The following CES5A variants were observed in gnomAD, a reference collection of about 807,000 sequenced individuals.
CES5A encodes the protein carboxylesterase 5A.
A neutral mutation model predicts 62.9 loss-of-function variants in CES5A; 67 were observed. That is an observed-to-expected ratio of 1.07 (90% confidence interval 0.88 to 1.31). The LOEUF (loss-of-function observed/expected upper bound fraction) is 1.31. Ranked by LOEUF, CES5A falls within the 50% of genes most tolerant of loss-of-function variation. The pLI is 0.00. For synonymous variants in CES5A, 296 were observed against 280.8 expected (o/e 1.05, Z -0.54); for missense variants, 748 against 708.5 (o/e 1.06, Z -0.63).
intron 1 of CES5A, chr16:55,955,787 A>C (rs2034603049): frequency 1.3e-6 from 2 of 1,518,468 alleles, no homozygotes; most frequent in East Asian, 4.9e-5. Flanking sequence ...CATCTTTCTC[A>C]TTCCAGTGGG....
intron 1 of CES5A, among the ~76,000 whole-genome samples, chr16:55,890,806 G>A (rs1272848699): frequency 1.3e-5 from 2 of 152,122 alleles, no homozygotes; most frequent in Non-Finnish European, 2.9e-5. Context: ...AGTTAATTTA[G>A]AGAGTTTATT....
At chr16:55,885,179 G>T (rs1412224838) in intron 1 of CES5A, among the ~76,000 whole-genome samples, 14 of 151,942 alleles carry the variant, frequency 9.2e-5, no homozygotes, top group African/African-American at 3.1e-4. Flanking sequence ...TTACATCATT[G>T]CACCTCCTAC....
intron 1 of CES5A, among the ~76,000 whole-genome samples, chr16:55,912,708 C>T (rs1449413491): frequency 6.6e-6 from 1 of 152,148 alleles, no homozygotes; most frequent in Non-Finnish European, 1.5e-5. Context: ...AAATCCTCTA[C>T]TTTGGCTATA....
intron 1 of CES5A, among the ~76,000 whole-genome samples, chr16:55,917,933 G>A (rs776165518): frequency 3.2e-4 from 49 of 152,162 alleles, no homozygotes; most frequent in African/African-American, 1.2e-3. Flanking sequence ...TAATTGTGCT[G>A]TCAACTGGAT....
intron 1 of CES5A, among the ~76,000 whole-genome samples, chr16:55,880,576 G>A (rs2033751400): frequency 6.6e-6 from 1 of 152,128 alleles, no homozygotes; most frequent in Non-Finnish European, 1.5e-5. Context: ...AGGAGACCTA[G>A]ACAGCAGACC....
chr16:55,923,962 C>G (rs2034234278), intron 1 of CES5A, among the ~76,000 whole-genome samples: 1 of 151,810 alleles, frequency 6.6e-6, no homozygotes, highest in Middle Eastern at 3.2e-3. Context: ...TAAGTTCATA[C>G]TGAATGGGAA....
intron 5 of CES5A, among the ~76,000 whole-genome samples, chr16:55,864,919 T>C (rs1237738312): frequency 6.9e-6 from 1 of 144,624 alleles, no homozygotes; most frequent in Non-Finnish European, 1.5e-5. Context: ...AAAAAAATAT[T>C]GCTGTCACCG....
At position 55,885,611 on chromosome 16, in the gene CES5A, T is replaced by C. The variant is rs1032700558; in HGVS notation, c.-255-11574A>G. On this transcript the variant is annotated intron_variant, in intron 1 of 12. Transcript: ENST00000518005. Reference sequence around the variant, plus strand: ...CAGGGAGCCGGGAAGCCTATGTCAATCACTAGAGGAGTCTTGAGTCTCCCA... The same window carrying C: ...CAGGGAGCCGGGAAGCCTATGTCAACCACTAGAGGAGTCTTGAGTCTCCCA... Among the ~76,000 whole-genome samples the C allele has an allele frequency of 5.9e-5, 9 of 152,102 alleles. No individual in the cohort carries two copies. The South Asian group carries it at 8.3e-4, about 14-fold the overall frequency.
intron 2 of CES5A, among the ~76,000 whole-genome samples, chr16:55,940,479 G>A (rs1321191067): frequency 4.6e-5 from 7 of 151,872 alleles, no homozygotes; most frequent in Non-Finnish European, 1.0e-4. Context: ...ACTCATCCAA[G>A]ATGAAATGAA....
chr16:55,949,696 C>A, intron 2 of CES5A: 2 of 452,238 alleles, frequency 4.4e-6, no homozygotes, highest in South Asian at 1.2e-4. Context: ...TGGAAGTATG[C>A]CACCAATGGA....
chr16:55,943,900 G>C (rs765345049), intron 2 of CES5A: 2 of 611,942 alleles, frequency 3.3e-6, no homozygotes, highest in South Asian at 1.9e-5. Flanking sequence ...AGCTTTAACT[G>C]AGTATCCAGT....
At chr16:55,879,423 T>C (rs1286317145), upstream of CES5A, among the ~76,000 whole-genome samples, 3 of 150,574 alleles carry the variant, frequency 2.0e-5, no homozygotes, top group Non-Finnish European at 4.4e-5. Context: ...GTACCCCACC[T>C]CTGCAGGCCA....
intron 9 of CES5A, among the ~76,000 whole-genome samples, chr16:55,856,084 T>G (rs2033237275): frequency 6.6e-6 from 1 of 152,148 alleles, no homozygotes. Context: ...ACCATGATTG[T>G]AAGTTTCCTG....
intron 9 of CES5A, among the ~76,000 whole-genome samples, chr16:55,854,290 C>T (rs1175391671): frequency 6.6e-6 from 1 of 152,052 alleles, no homozygotes; most frequent in Non-Finnish European, 1.5e-5. Flanking sequence ...TGCACTTTCC[C>T]GCACAGCCTA....
At chr16:55,856,819 G>A (rs1291491316) in intron 8 of CES5A, among the ~76,000 whole-genome samples, 1 of 152,212 alleles carries the variant, frequency 6.6e-6, no homozygotes, top group African/African-American at 2.4e-5. Flanking sequence ...ACATTAAAAT[G>A]TGGCTGTTAG....
chr16:55,928,470 A>G (rs751858409), upstream of CES5A, among the ~76,000 whole-genome samples: 1 of 152,190 alleles, frequency 6.6e-6, no homozygotes, highest in Non-Finnish European at 1.5e-5. Context: ...ATTTTGTACA[A>G]TGTACACAGT....
upstream of CES5A, chr16:55,875,465 A>G: frequency 1.0e-6 from 1 of 995,510 alleles, no homozygotes; most frequent in African/African-American, 1.7e-5. Flanking sequence ...AGATAATTTG[A>G]TAGGCTTTGG....
chr16:55,863,517 C>T, intron 5 of CES5A, 65 bp from the exon 6 acceptor site: 4 of 853,056 alleles, frequency 4.7e-6, no homozygotes, highest in Non-Finnish European at 8.1e-6. Context: ...CCATTCATCC[C>T]TCTTCAAAGA....
chr16:55,874,042 G>T lies in CES5A; in HGVS notation c.74-5C>A. On this transcript the variant is annotated splice_polypyrimidine_tract_variant and splice_region_variant and intron_variant, in intron 1 of 12. Transcript: ENST00000290567. Reference sequence around the variant, plus strand: ...GTGGCCCTTCAGCAGAAGGCCCTGCGGGAACACATGGGAGGAATCAGGAGC... The same window carrying T: ...GTGGCCCTTCAGCAGAAGGCCCTGCTGGAACACATGGGAGGAATCAGGAGC... 6.3e-7 allele frequency: 1 copy of T among 1,592,818 alleles called. No homozygotes were observed. The highest frequency in any genetic ancestry group is 8.5e-7 in the Non-Finnish European group (1 of 1,170,362).
Sources: gnomAD v4.1 joint callset for allele counts (sites outside exome capture counted in the v4.1 genomes callset) on GRCh38, gnomAD v4.1.1 for gene constraint, MANE v1.5 for transcripts, NCBI Gene and HGNC (gene_info 2026-07-23, HGNC 2026-07-21) for gene names.